The following LIMS1 variants were observed in gnomAD, a reference collection of about 807,000 sequenced individuals.
The protein encoded by LIMS1 is LIM zinc finger domain containing 1, also known as LIM and senescent cell antigen-like-containing domain protein 1.
Under a neutral mutation model 44.1 loss-of-function variants are expected in LIMS1, and 18 were observed. The observed-to-expected ratio is 0.41, with a 90% confidence interval of 0.28 to 0.61. LIMS1 has a LOEUF of 0.61. Among genes scored for constraint, LIMS1 ranks in the 20% least tolerant of loss-of-function variants. The probability of loss-of-function intolerance (pLI) is 0.32; values close to 1 mark genes in which losing one functional copy is unlikely to be tolerated. For missense variants in LIMS1, 201 were observed against 422.0 expected (o/e 0.48, Z 4.59); for synonymous variants, 93 against 149.1 (o/e 0.62, Z 2.74).
chr2:108,682,925 C>T (rs1255758034), intron 9 of LIMS1, among the ~76,000 whole-genome samples: 1 of 152,178 alleles, frequency 6.6e-6, no homozygotes, highest in Non-Finnish European at 1.5e-5. Flanking sequence ...ATTAAACACT[C>T]TGGATTTCAA....
At chr2:108,588,362 A>G (rs1477972932) in intron 1 of LIMS1, 51 of 985,280 alleles carry the variant, frequency 5.2e-5, no homozygotes, top group Non-Finnish European at 5.7e-5. Context: ...TGTACAGTTT[A>G]GGAAATAGAG....
intron 1 of LIMS1, among the ~76,000 whole-genome samples, chr2:108,652,927 A>T (rs1690601400): frequency 6.6e-6 from 1 of 152,184 alleles, no homozygotes; most frequent in African/African-American, 2.4e-5. Flanking sequence ...GTAAAAAAAA[A>T]ACCTAAAAAA....
intron 1 of LIMS1, among the ~76,000 whole-genome samples, chr2:108,643,779 T>C (rs1055570439): frequency 2.6e-5 from 4 of 152,208 alleles, no homozygotes; most frequent in African/African-American, 9.6e-5. Context: ...TTGAAATTCT[T>C]GTGCTAGTAT....
intron 1 of LIMS1, among the ~76,000 whole-genome samples, chr2:108,568,713 ATAG>A (rs1177721705): frequency 6.6e-6 from 1 of 152,132 alleles, no homozygotes; most frequent in Admixed American, 6.6e-5. Context: ...TTTTGTTTTA[ATAG>A]TAGCCATTGT....
chr2:108,610,623 G>A (rs1215130385), intron 1 of LIMS1, among the ~76,000 whole-genome samples: 1 of 152,064 alleles, frequency 6.6e-6, no homozygotes, highest in African/African-American at 2.4e-5. Context: ...TCACCATCCA[G>A]TACCCCACCC....
intron 1 of LIMS1, among the ~76,000 whole-genome samples, chr2:108,600,645 G>A (rs866349352): frequency 6.6e-5 from 10 of 152,110 alleles, no homozygotes; most frequent in Admixed American, 2.6e-4. Flanking sequence ...CTCAGTGTAC[G>A]TTCTTGGCAC....
intron 5 of LIMS1, among the ~76,000 whole-genome samples, chr2:108,674,255 G>A (rs755390674): frequency 2.0e-5 from 3 of 152,046 alleles, no homozygotes; most frequent in African/African-American, 2.4e-5. Flanking sequence ...GCAGGAACCC[G>A]GAAGGCGGAG....
intron 1 of LIMS1, among the ~76,000 whole-genome samples, chr2:108,556,357 G>C (rs969628178): frequency 6.6e-6 from 1 of 152,122 alleles, no homozygotes; most frequent in Admixed American, 6.5e-5. Flanking sequence ...ATGGACACGG[G>C]TGATTTTCAC....
intron 1 of LIMS1, among the ~76,000 whole-genome samples, chr2:108,565,721 T>C (rs913997792): frequency 1.3e-5 from 2 of 152,188 alleles, no homozygotes; most frequent in Non-Finnish European, 2.9e-5. Flanking sequence ...AATTTTTAAA[T>C]AACAGAAACT....
chr2:108,640,359 C>T (rs1689586346), intron 1 of LIMS1, among the ~76,000 whole-genome samples: 1 of 152,152 alleles, frequency 6.6e-6, no homozygotes. Flanking sequence ...AGAAACAAGC[C>T]ACCACATAGG....
intron 1 of LIMS1, among the ~76,000 whole-genome samples, chr2:108,551,835 CAT>C (rs1420976221): frequency 2.1e-5 from 3 of 143,938 alleles, no homozygotes; most frequent in Non-Finnish European, 3.0e-5. Context: ...CATATATACA[CAT>C]ATACTGTATA....
intron 2 of LIMS1, among the ~76,000 whole-genome samples, chr2:108,665,045 G>A (rs1329623305): frequency 6.6e-6 from 1 of 152,164 alleles, no homozygotes; most frequent in Non-Finnish European, 1.5e-5. Flanking sequence ...AAACCCATAA[G>A]GCTCAGTCTT....
intron 1 of LIMS1, among the ~76,000 whole-genome samples, chr2:108,608,594 G>A (rs1372150555): frequency 6.6e-6 from 1 of 152,132 alleles, no homozygotes; most frequent in African/African-American, 2.4e-5. Flanking sequence ...GTGAGCCACC[G>A]CGCCCGGCCC....
chr2:108,611,866 T>C (rs1573444075), intron 1 of LIMS1, among the ~76,000 whole-genome samples: 1 of 142,550 alleles, frequency 7.0e-6, no homozygotes, highest in Non-Finnish European at 1.5e-5. Flanking sequence ...CACACATATA[T>C]ATACACATAT....
chr2:108,611,582 A>C (rs1249644310), intron 1 of LIMS1, among the ~76,000 whole-genome samples: 1 of 152,080 alleles, frequency 6.6e-6, no homozygotes, highest in Non-Finnish European at 1.5e-5. Context: ...TTGATCAATC[A>C]AAAATATTGG....
At chr2:108,552,135 C>T (rs1032377549) in intron 1 of LIMS1, among the ~76,000 whole-genome samples, 75 of 144,332 alleles carry the variant, frequency 5.2e-4, no homozygotes, top group African/African-American at 1.9e-3. Context: ...ACTATATATA[C>T]TTAACTATAT....
At chr2:108,647,663 C>T (rs950227446) in intron 1 of LIMS1, among the ~76,000 whole-genome samples, 8 of 152,290 alleles carry the variant, frequency 5.3e-5, no homozygotes, top group Admixed American at 1.3e-4. Flanking sequence ...ATTCAACATA[C>T]GCAAATCAAT....
chr2:108,562,315 G>A (rs951112534), intron 1 of LIMS1, among the ~76,000 whole-genome samples: 7 of 152,170 alleles, frequency 4.6e-5, no homozygotes, highest in African/African-American at 1.2e-4. Context: ...AATCAAAAGC[G>A]AGAAACAAGT....
At chr2:108,582,493 G>T (rs1558796258) in intron 1 of LIMS1, among the ~76,000 whole-genome samples, 1 of 152,160 alleles carries the variant, frequency 6.6e-6, no homozygotes, top group Non-Finnish European at 1.5e-5. Flanking sequence ...CATCGGCTGG[G>T]CGCAGTGGCT....
Sources: allele counts gnomAD v4.1 joint callset (sites outside exome capture counted in the v4.1 genomes callset), GRCh38; gene constraint gnomAD v4.1.1; transcripts MANE v1.5; gene names NCBI Gene and HGNC (gene_info 2026-07-23, HGNC 2026-07-21).